The following SLC35F1 variants were observed in gnomAD, a reference collection of about 807,000 sequenced individuals.
SLC35F1 encodes the protein solute carrier family 35 member F1.
Under a neutral mutation model 48.7 loss-of-function variants are expected in SLC35F1, and 14 were observed. That is an observed-to-expected ratio of 0.29 (90% confidence interval 0.19 to 0.45). SLC35F1 has a LOEUF of 0.45. Among genes scored for constraint, SLC35F1 ranks in the 20% least tolerant of loss-of-function variants. SLC35F1 has a pLI of 1.00. For synonymous variants in SLC35F1, 190 were observed against 202.2 expected (o/e 0.94, Z 0.51); for missense variants, 404 against 500.0 (o/e 0.81, Z 1.83).
At chr6:118,167,309 C>T (rs1774333014) in intron 2 of SLC35F1, among the ~76,000 whole-genome samples, 1 of 152,158 alleles carries the variant, frequency 6.6e-6, no homozygotes, top group Non-Finnish European at 1.5e-5. Context: ...TCATGCCTCA[C>T]TTAATATAGG....
intron 1 of SLC35F1, among the ~76,000 whole-genome samples, chr6:118,094,813 C>T (rs776831712): frequency 6.6e-6 from 1 of 151,940 alleles, no homozygotes; most frequent in Admixed American, 6.6e-5. Context: ...ACTAAAAATA[C>T]AAAATTTAGC....
At chr6:117,975,554 A>G (rs905047030) in intron 1 of SLC35F1, among the ~76,000 whole-genome samples, 1 of 152,180 alleles carries the variant, frequency 6.6e-6, no homozygotes, top group Non-Finnish European at 1.5e-5. Flanking sequence ...TTAACCTGTC[A>G]ATCAGATGTG....
intron 2 of SLC35F1, among the ~76,000 whole-genome samples, chr6:118,230,709 G>A (rs1038118283): frequency 3.3e-5 from 5 of 152,166 alleles, no homozygotes; most frequent in African/African-American, 4.8e-5. Flanking sequence ...TAAGGCTGGC[G>A]TGGTGGCTCA....
chr6:118,018,632 A>G (rs1326453084), intron 1 of SLC35F1, among the ~76,000 whole-genome samples: 1 of 152,096 alleles, frequency 6.6e-6, no homozygotes, highest in Non-Finnish European at 1.5e-5. Context: ...TTAGAGGTCT[A>G]TATATAAGAC....
chr6:118,209,574 T>C (rs1375069517), intron 2 of SLC35F1, among the ~76,000 whole-genome samples: 1 of 152,180 alleles, frequency 6.6e-6, no homozygotes, highest in Non-Finnish European at 1.5e-5. Flanking sequence ...TGTAATTGGA[T>C]AATTAAGTAT....
chr6:118,234,750 G>A (rs1449770507), intron 2 of SLC35F1, among the ~76,000 whole-genome samples: 2 of 152,140 alleles, frequency 1.3e-5, no homozygotes, highest in East Asian at 3.8e-4. Context: ...CCCACAGGTT[G>A]GCTACAGAGA....
At chr6:118,257,211 G>C (rs1178021261) in intron 3 of SLC35F1, among the ~76,000 whole-genome samples, 3 of 151,632 alleles carry the variant, frequency 2.0e-5, no homozygotes, top group African/African-American at 7.3e-5. Context: ...TTCCCTACTT[G>C]CTCCACCCCA....
intron 2 of SLC35F1, among the ~76,000 whole-genome samples, chr6:118,160,167 C>T (rs1774209314): frequency 6.6e-6 from 1 of 152,086 alleles, no homozygotes; most frequent in African/African-American, 2.4e-5. Context: ...TCATAAGTGT[C>T]TGCTTCTTTT....
chr6:118,156,669 A>AAAAAAT lies in SLC35F1; in HGVS notation c.349+2053_349+2054insATAAAA, dbSNP rs1554231826. On this transcript the variant is annotated intron_variant, in intron 2 of 7. Coordinates refer to ENST00000360388, the MANE Select transcript of SLC35F1 (RefSeq NM_001029858.4). ...GTACCCTAGAACTGAAAGTATAATA[A>AAAAAAT]AAAATAAAATAAAATAAAATAAAAT... 2.1e-5 allele frequency among the ~76,000 whole-genome samples: 3 copies of AAAAAAT among 140,462 alleles called. No homozygotes were observed. In the Admixed American group the frequency reaches 2.3e-4, roughly 11 times the overall value. 92.1% of individuals were successfully genotyped at this position (140,462 alleles called of 152,430 possible).
chr6:118,123,692 A>T (rs1364899017), intron 1 of SLC35F1, among the ~76,000 whole-genome samples: 3 of 152,164 alleles, frequency 2.0e-5, no homozygotes, highest in African/African-American at 7.2e-5. Context: ...CCTGTAGCCC[A>T]CAATGAGCTC....
chr6:118,182,140 A>C (rs1774585996), intron 2 of SLC35F1, among the ~76,000 whole-genome samples: 1 of 151,958 alleles, frequency 6.6e-6, no homozygotes, highest in South Asian at 2.1e-4. Context: ...TAAGAAATTT[A>C]GTCAAGTATA....
At chr6:118,311,271 A>G (rs1776368770) in intron 7 of SLC35F1, among the ~76,000 whole-genome samples, 1 of 152,228 alleles carries the variant, frequency 6.6e-6, no homozygotes, top group Non-Finnish European at 1.5e-5. Flanking sequence ...TATGTAGTAG[A>G]AAGGCACTGC....
intron 2 of SLC35F1, among the ~76,000 whole-genome samples, chr6:118,213,593 G>A (rs1290280233): frequency 2.0e-5 from 3 of 152,016 alleles, no homozygotes; most frequent in Admixed American, 1.3e-4. Context: ...GAGAAAAATG[G>A]GTAAATAAAA....
In SLC35F1 at chr6:117,923,710, C is replaced by CATGTATACATGT. The variant is rs1562238865; in HGVS notation, c.173+15813_173+15814insGTATACATGTAT. On this transcript the variant is annotated intron_variant, in intron 1 of 7. Coordinates refer to ENST00000360388, the MANE Select transcript of SLC35F1 (RefSeq NM_001029858.4). The stretch of plus-strand genomic sequence containing the variant: ...ACATATGTACATATACATATATGTA[C>CATGTATACATGT]ATATATACATATATACATATGTATA... Among the ~76,000 whole-genome samples, 2 of 22,562 alleles carry CATGTATACATGT rather than the reference C, an allele frequency of 8.9e-5. 1 individual carries two copies. Among genetic ancestry groups the CATGTATACATGT allele is most frequent in the African/African-American group, 4.5e-4 (2 of 4,470 alleles). 14.8% of individuals were successfully genotyped at this position (22,562 alleles called of 152,430 possible).
intron 7 of SLC35F1, among the ~76,000 whole-genome samples, chr6:118,286,603 A>G (rs1776051696): frequency 6.6e-6 from 1 of 152,216 alleles, no homozygotes; most frequent in Admixed American, 6.5e-5. Flanking sequence ...GCAGACAGGA[A>G]TAAAGTTCCT....
intron 1 of SLC35F1, among the ~76,000 whole-genome samples, chr6:118,087,915 A>G (rs1773015444): frequency 6.6e-6 from 1 of 152,222 alleles, no homozygotes; most frequent in Non-Finnish European, 1.5e-5. Context: ...AAAGCACTAA[A>G]TACTTGGTTT....
At chr6:117,940,371 G>T (rs1776214874) in intron 1 of SLC35F1, among the ~76,000 whole-genome samples, 1 of 152,146 alleles carries the variant, frequency 6.6e-6, no homozygotes, top group African/African-American at 2.4e-5. Flanking sequence ...AGGACTGTCT[G>T]TACGTGCTGC....
At chr6:118,009,133 T>G in intron 1 of SLC35F1, among the ~76,000 whole-genome samples, 1 of 152,182 alleles carries the variant, frequency 6.6e-6, no homozygotes, top group African/African-American at 2.4e-5. Context: ...TATTCATTTA[T>G]TCTACAAATA....
intron 1 of SLC35F1, among the ~76,000 whole-genome samples, chr6:117,997,917 C>G (rs1217390555): frequency 1.3e-5 from 2 of 151,994 alleles, no homozygotes; most frequent in Non-Finnish European, 2.9e-5. Flanking sequence ...CAAATTCACA[C>G]ACAACAATAT....
Sources: gnomAD v4.1 joint callset for allele counts (sites outside exome capture counted in the v4.1 genomes callset) on GRCh38, gnomAD v4.1.1 for gene constraint, MANE v1.5 for transcripts, NCBI Gene and HGNC (gene_info 2026-07-23, HGNC 2026-07-21) for gene names.